The following CFAP61 variants were observed in gnomAD, a reference collection of about 807,000 sequenced individuals.
CFAP61 encodes cilia and flagella associated protein 61, also known as cilia- and flagella-associated protein 61.
A neutral mutation model predicts 135.6 loss-of-function variants in CFAP61; 107 were observed. The ratio of observed to expected loss-of-function variants is 0.79; its 90% CI spans 0.67 to 0.93. The LOEUF is 0.93. Ranked by LOEUF, CFAP61 falls within the 40% of genes least tolerant of loss-of-function variation. The pLI is 0.00. For missense variants in CFAP61, 1,507 were observed against 1,556.2 expected, an observed-to-expected ratio of 0.97 and a Z score of 0.53; for synonymous variants, 575 against 578.5, an observed-to-expected ratio of 0.99 and a Z score of 0.09.
At chr20:20,107,433 C>T (rs1172036287) in intron 8 of CFAP61, among the ~76,000 whole-genome samples, 1 of 152,098 alleles carries the variant, frequency 6.6e-6, no homozygotes, top group African/African-American at 2.4e-5. Context: ...TCCATTTCTC[C>T]TCAAGGTAGT....
chr20:20,216,551 C>G (rs1472104655), intron 17 of CFAP61, among the ~76,000 whole-genome samples: 1 of 152,234 alleles, frequency 6.6e-6, no homozygotes, highest in Non-Finnish European at 1.5e-5. Context: ...CAACCCACAT[C>G]CCTGCCAGGA....
In CFAP61 at chr20:20,360,302, A is replaced by C; in HGVS notation, c.3606A>C (p.Arg1202Ser). ...AGAAGCCCAGGCAATACCTCAAAAG[A>C]GTTTTTGAGGAATCCATCTACAAAA... ...PTEKPRQYLK[R>S]VFEESIYKTL... Residue 1202 changes from arginine to serine, a missense_variant, in exon 27 of 27, where the codon AGA becomes AGC. By Grantham distance (110) the Arg-to-Ser change is moderately radical (BLOSUM62 -1). Coordinates refer to ENST00000245957, the MANE Select transcript of CFAP61 (RefSeq NM_015585.4). 2 of 1,613,372 alleles carry C rather than the reference A, an allele frequency of 1.2e-6. No individual in the cohort carries two copies. The highest frequency in any genetic ancestry group is 1.7e-6 in the Non-Finnish European group (2 of 1,179,488).
chr20:20,304,370 A>C (rs994229100), intron 25 of CFAP61, among the ~76,000 whole-genome samples: 4 of 151,920 alleles, frequency 2.6e-5, no homozygotes, highest in African/African-American at 9.7e-5. Context: ...GAAAAAGAAT[A>C]GAGCCAATTT....
intron 9 of CFAP61, among the ~76,000 whole-genome samples, chr20:20,143,620 T>A (rs879702240): frequency 3.3e-5 from 5 of 152,172 alleles, no homozygotes; most frequent in Non-Finnish European, 7.3e-5. Flanking sequence ...CAGCGATGCC[T>A]GGGAGATGGG....
chr20:20,259,581 A>G (rs906120503), intron 20 of CFAP61: 12 of 151,698 alleles, frequency 7.9e-5, no homozygotes, highest in African/African-American at 2.9e-4. Flanking sequence ...CCCTCTTTCT[A>G]TTTTTAATGT....
rs978715556 is a variant in CFAP61 at position 20,205,983 on chromosome 20, G to A, written c.1932+6081G>A. Among the ~76,000 whole-genome samples, 7 of 147,602 alleles carry A rather than the reference G, an allele frequency of 4.7e-5. No homozygotes were observed. The South Asian group carries it at 1.5e-3, about 33-fold the overall frequency. Reference sequence around the variant, plus strand: ...GTGCCCATCAGATGAGTAACTACAGGTTTATTTTTTGGGGTGGGGGTTGGG... The same window carrying A: ...GTGCCCATCAGATGAGTAACTACAGATTTATTTTTTGGGGTGGGGGTTGGG... On this transcript the variant is annotated intron_variant, in intron 17 of 26. Coordinates refer to ENST00000245957, the MANE Select transcript of CFAP61 (RefSeq NM_015585.4).
chr20:20,194,771 G>A (rs1479918888), intron 15 of CFAP61, among the ~76,000 whole-genome samples: 1 of 152,162 alleles, frequency 6.6e-6, no homozygotes, highest in East Asian at 1.9e-4. Context: ...CGGCAGGCAG[G>A]GACTCCAGGT....
chr20:20,114,066 C>T (rs887569720), intron 8 of CFAP61, among the ~76,000 whole-genome samples: 4 of 150,504 alleles, frequency 2.7e-5, no homozygotes, highest in Admixed American at 6.6e-5. Context: ...CTGAGGAGTT[C>T]GAGACCACCC....
chr20:20,286,709 A>G (rs757168958), intron 22 of CFAP61, among the ~76,000 whole-genome samples: 3 of 152,212 alleles, frequency 2.0e-5, no homozygotes, highest in African/African-American at 7.2e-5. Context: ...CTTATTAACA[A>G]TGTTGGATTT....
chr20:20,243,545 C>G (rs2050183042), intron 18 of CFAP61, among the ~76,000 whole-genome samples: 1 of 151,782 alleles, frequency 6.6e-6, no homozygotes, highest in Non-Finnish European at 1.5e-5. Context: ...TCAAGTGATT[C>G]TTCTGCCTCA....
rs537888402 is a variant in CFAP61 at position 20,322,610 on chromosome 20, C to T, written c.3423-19221C>T. 1.2e-4 allele frequency: 95 copies of T among 781,998 alleles called. No homozygotes were observed. The South Asian group carries it at 2.9e-3, about 24-fold the overall frequency. 48.4% of individuals were successfully genotyped at this position (781,998 alleles called of 1,614,324 possible). A position where few individuals can be genotyped will look rare whatever the true frequency, so the allele number is the denominator to read the frequency against. ...AAAGAGGGAAGTGGTATATATTTGCCGTGGTAAATGGTATCATTAACTCCC... is the reference window on the plus strand; with the variant it reads ...AAAGAGGGAAGTGGTATATATTTGCTGTGGTAAATGGTATCATTAACTCCC... On this transcript the variant is annotated intron_variant, in intron 25 of 26. Coordinates refer to ENST00000245957, the MANE Select transcript of CFAP61 (RefSeq NM_015585.4).
chr20:20,100,518 G>T (rs1245386136), intron 8 of CFAP61, among the ~76,000 whole-genome samples: 1 of 152,122 alleles, frequency 6.6e-6, no homozygotes, highest in Non-Finnish European at 1.5e-5. Flanking sequence ...GTAAAATGGA[G>T]ATAAAAATAG....
At chr20:20,203,903 A>G (rs2056744933) in intron 17 of CFAP61, among the ~76,000 whole-genome samples, 1 of 152,160 alleles carries the variant, frequency 6.6e-6, no homozygotes, top group Admixed American at 6.5e-5. Context: ...AAATAGCCAC[A>G]CTGGGCTCAG....
chr20:20,098,590 A>G, intron 7 of CFAP61, 65 bp from the exon 8 acceptor site: 1 of 1,433,700 alleles, frequency 7.0e-7, no homozygotes, highest in Non-Finnish European at 9.3e-7. Context: ...CCTGGGTGAC[A>G]GAGCGAGACT....
chr20:20,169,798 T>TAATA (rs1352793299), intron 13 of CFAP61, among the ~76,000 whole-genome samples: 1 of 152,184 alleles, frequency 6.6e-6, no homozygotes, highest in Non-Finnish European at 1.5e-5. Flanking sequence ...TGTGTGTATA[T>TAATA]AATACATTCA....
chr20:20,152,702 G>T (rs2052557181), intron 9 of CFAP61, among the ~76,000 whole-genome samples: 2 of 152,070 alleles, frequency 1.3e-5, no homozygotes. Flanking sequence ...ACCTAACATG[G>T]TAGCTCCCAA....
At chr20:20,094,901 C>A (rs1337261660) in intron 7 of CFAP61, among the ~76,000 whole-genome samples, 1 of 152,106 alleles carries the variant, frequency 6.6e-6, no homozygotes, top group Non-Finnish European at 1.5e-5. Context: ...TCCTGCCTCC[C>A]TAGGGGGCTT....
intron 25 of CFAP61, among the ~76,000 whole-genome samples, chr20:20,324,405 T>A (rs1319106223): frequency 6.6e-6 from 1 of 152,230 alleles, no homozygotes; most frequent in Non-Finnish European, 1.5e-5. Flanking sequence ...AGAATCTGTA[T>A]AAATATTGAA....
intron 13 of CFAP61, among the ~76,000 whole-genome samples, chr20:20,183,459 G>A (rs181813400): frequency 2.0e-5 from 3 of 152,320 alleles, no homozygotes; most frequent in African/African-American, 7.2e-5. Context: ...ACCTCACCCA[G>A]CCAGCCTACA....
Sources: gnomAD v4.1 joint callset for allele counts (sites outside exome capture counted in the v4.1 genomes callset) on GRCh38, gnomAD v4.1.1 for gene constraint, MANE v1.5 for transcripts, NCBI Gene and HGNC (gene_info 2026-07-23, HGNC 2026-07-21) for gene names.